RIMBP2: variants seen among roughly 807,000 people sequenced by gnomAD.
The protein encoded by RIMBP2 is RIMS-binding protein 2.
RIMBP2 carries 48 observed loss-of-function variants against 118.6 expected under a neutral mutation model. That is an observed-to-expected ratio of 0.40 (90% CI 0.32 to 0.51). The LOEUF (loss-of-function observed/expected upper bound fraction) is 0.51, where lower values mean the gene tolerates loss of function less well. Ranked by LOEUF, RIMBP2 falls within the 20% of genes least tolerant of loss-of-function variation. RIMBP2 has a pLI of 0.41. For missense variants in RIMBP2, 1,551 were observed against 1,768.3 expected (o/e 0.88, Z 2.20); for synonymous variants, 762 against 742.9 (o/e 1.03, Z -0.42).
Position 130,441,807 on chromosome 12 carries a change from G to T in RIMBP2, c.1504+41C>A, listed in dbSNP as rs7306922. 7.2e-3 allele frequency: 11,302 copies of T among 1,563,756 alleles called. 719 individuals carry two copies. In the African/African-American group the frequency reaches 0.13, roughly 18 times the overall value. ...CCCACTAGCAGGGTGACATCCTGGC[G>T]TTCTCTCCCTGGGGGACCCACGGAA... On this transcript the variant is annotated intron_variant, in intron 11 of 22. Coordinates refer to ENST00000690449, the MANE Select transcript of RIMBP2 (RefSeq NM_001393629.1).
At chr12:130,610,019 C>A (rs941767990) in intron 2 of RIMBP2, among the ~76,000 whole-genome samples, 1 of 152,202 alleles carries the variant, frequency 6.6e-6, no homozygotes, top group South Asian at 2.1e-4. Flanking sequence ...CTCACAGGCA[C>A]CCCAAAAAAT....
intron 1 of RIMBP2, among the ~76,000 whole-genome samples, chr12:130,665,171 C>T (rs1442914308): frequency 1.3e-5 from 2 of 151,760 alleles, no homozygotes; most frequent in South Asian, 2.1e-4. Context: ...GTTAACATCC[C>T]CAGTAACATG....
intron 14 of RIMBP2, among the ~76,000 whole-genome samples, chr12:130,433,890 A>G (rs951267463): frequency 6.6e-6 from 1 of 152,060 alleles, no homozygotes; most frequent in African/African-American, 2.4e-5. Flanking sequence ...TAATTAAACG[A>G]CTTTGTTGTC....
chr12:130,615,258 A>AATTATGTATC (rs59508522), intron 2 of RIMBP2, among the ~76,000 whole-genome samples: 1 of 95,354 alleles, frequency 1.0e-5, no homozygotes, highest in Non-Finnish European at 2.1e-5. Context: ...AATTATGTAT[A>AATTATGTATC]TATACATAAT....
intron 6 of RIMBP2, 57 bp from the exon 7 acceptor site, chr12:130,456,757 T>TGTGC: frequency 7.5e-7 from 1 of 1,336,716 alleles, no homozygotes; most frequent in Non-Finnish European, 1.0e-6. Context: ...TGGAAATGTG[T>TGTGC]GTGCGCCTGT....
intron 11 of RIMBP2, among the ~76,000 whole-genome samples, chr12:130,441,488 C>T (rs1030448633): frequency 1.3e-5 from 2 of 151,342 alleles, no homozygotes; most frequent in African/African-American, 2.4e-5. Flanking sequence ...CTGAAAGGCA[C>T]GTAAGCACTT....
At chr12:130,563,950 C>T (rs1015113925) in intron 2 of RIMBP2, among the ~76,000 whole-genome samples, 6 of 135,688 alleles carry the variant, frequency 4.4e-5, no homozygotes, top group East Asian at 5.0e-4. Flanking sequence ...TCCCAGCCTC[C>T]TCTGCTGCTA....
At chr12:130,490,227 G>C (rs1225841832) in intron 4 of RIMBP2, among the ~76,000 whole-genome samples, 3 of 151,412 alleles carry the variant, frequency 2.0e-5, no homozygotes, top group African/African-American at 7.3e-5. Flanking sequence ...ACTCAAACCT[G>C]CTTCACAGAC....
intron 2 of RIMBP2, among the ~76,000 whole-genome samples, chr12:130,535,674 C>CACATATATATACACATAT (rs1187451573): frequency 3.5e-5 from 4 of 114,672 alleles, no homozygotes; most frequent in South Asian, 2.7e-4. Context: ...TACATATATA[C>CACATATATATACACATAT]ACATATATAT....
At position 130,570,825 on chromosome 12, in the gene RIMBP2, G is replaced by T. The variant is rs551974528; in HGVS notation, c.-216-52908C>A. ...GATGATGACTGGGAATAATCAACAA[G>T]GTCACAGAATAAAAATAACTGCAGC... On this transcript the variant is annotated intron_variant, in intron 2 of 22. Transcript: ENST00000690449. 3.3e-5 allele frequency among the ~76,000 whole-genome samples: 5 copies of T among 152,302 alleles called. No homozygotes were observed. The South Asian group carries it at 1.0e-3, about 32-fold the overall frequency.
chr12:130,595,278 G>T (rs1261825190), intron 2 of RIMBP2, among the ~76,000 whole-genome samples: 1 of 152,192 alleles, frequency 6.6e-6, no homozygotes, highest in Non-Finnish European at 1.5e-5. Context: ...CTTCATCTTG[G>T]CCGGGCGCGG....
At chr12:130,487,779 G>C (rs1425551420) in intron 4 of RIMBP2, among the ~76,000 whole-genome samples, 1 of 151,964 alleles carries the variant, frequency 6.6e-6, no homozygotes, top group African/African-American at 2.4e-5. Flanking sequence ...CTGTCTACTG[G>C]TGCACCCCCG....
rs765553561 is a variant in RIMBP2, at chr12:130,407,734, C to T, written c.3685G>A (p.Asp1229Asn). The T allele has an allele frequency of 1.9e-6, 3 of 1,613,534 alleles. No individual in the cohort carries two copies. The South Asian group carries it at 3.3e-5, about 18-fold the overall frequency. The change falls in exon 20 of 23, where the codon GAT becomes AAT. Residue 1229 changes from aspartate to asparagine, a missense_variant. Physicochemically the swap from Asp to Asn is conservative, Grantham distance 23 (BLOSUM62 1). Coordinates refer to ENST00000690449, the MANE Select transcript of RIMBP2 (RefSeq NM_001393629.1). ...CAGTGTTTGGCTGGTACCTCGACAT[C>T]GACGTTGGGCGAGCTTTCTCTGGGG... ...YDPRESSPNV[D>N]VEAELTFCTG...
intron 6 of RIMBP2, chr12:130,464,991 T>C (rs1218100135): frequency 6.6e-6 from 1 of 152,244 alleles, no homozygotes; most frequent in African/African-American, 2.4e-5. Flanking sequence ...GGGTGAGACA[T>C]ACATCATGCA....
At chr12:130,500,622 T>C (rs912882069) in intron 4 of RIMBP2, among the ~76,000 whole-genome samples, 1 of 152,230 alleles carries the variant, frequency 6.6e-6, no homozygotes, top group Admixed American at 6.5e-5. Context: ...AAAGCCAGCA[T>C]ATGAATGTGA....
intron 2 of RIMBP2, among the ~76,000 whole-genome samples, chr12:130,608,126 G>A (rs1362843001): frequency 1.3e-5 from 2 of 152,224 alleles, no homozygotes; most frequent in Non-Finnish European, 2.9e-5. Flanking sequence ...CCCAGCCCCT[G>A]CCTGGGAACC....
At position 130,437,367 on chromosome 12, in the gene RIMBP2, C is replaced by A. The variant is rs888763796; in HGVS notation, c.1657-76G>T. ...TCCTGCAATGGGGAGCCGACCAGTC[C>A]TCTGCCCAGAGGCCAGGTGCAAAGG... On this transcript the variant is annotated intron_variant, in intron 12 of 22. Coordinates refer to ENST00000690449, the MANE Select transcript of RIMBP2 (RefSeq NM_001393629.1). The A allele has an allele frequency of 2.8e-5, 36 of 1,269,648 alleles. No homozygotes were observed. The South Asian group carries it at 4.6e-4, about 16-fold the overall frequency. 78.6% of individuals were successfully genotyped at this position (1,269,648 alleles called of 1,614,324 possible).
rs761911117 is a variant in RIMBP2, at chr12:130,442,470, G to A, written c.882C>T (p.Ile294=). ...CCAGGGTCCCGGCACTGTTGTCGGT[G>A]ATGCCCGCATCTATGTGGGTTGGGG... ...LHSPTHIDAG[I]TDNSAGTLDV... is the part of the protein sequence containing the mutation. The change falls in exon 11 of 23, where the codon ATC becomes ATT. Residue 294 remains isoleucine, a synonymous_variant. Coordinates refer to ENST00000690449, the MANE Select transcript of RIMBP2 (RefSeq NM_001393629.1). This position sits in a 1 kb window ranked among gnomAD's most constrained non-coding sequence, Gnocchi z 6.9. 2.5e-6 allele frequency: 4 copies of A among 1,614,228 alleles called. No individual in the cohort carries two copies. In the East Asian group the frequency reaches 8.9e-5, roughly 36 times the overall value.
At chr12:130,500,507 T>C (rs567883077) in intron 4 of RIMBP2, among the ~76,000 whole-genome samples, 77 of 152,326 alleles carry the variant, frequency 5.1e-4, no homozygotes, top group African/African-American at 1.8e-3. Context: ...TGTGTTGCTG[T>C]GCATAACCAA....
Sources: gnomAD v4.1 joint callset for allele counts (sites outside exome capture counted in the v4.1 genomes callset) on GRCh38, gnomAD v4.1.1 for gene constraint, Gnocchi (gnomAD v3.1) non-coding constraint, MANE v1.5 for transcripts, NCBI Gene and HGNC (gene_info 2026-07-23, HGNC 2026-07-21) for gene names.